Variants in SNTG2 observed in about 807,000 individuals in gnomAD.
The protein encoded by SNTG2 is syntrophin gamma 2, also known as gamma-2-syntrophin.
SNTG2 carries 74 observed loss-of-function variants against 70.9 expected under a neutral mutation model. The observed-to-expected ratio is 1.04, with a 90% CI of 0.86 to 1.27. The LOEUF (loss-of-function observed/expected upper bound fraction) is 1.27. Ranked by LOEUF, SNTG2 falls within the 50% of genes most tolerant of loss-of-function variation. SNTG2 has a pLI of 0.00. For missense variants in SNTG2, 717 were observed against 690.7 expected (o/e 1.04, Z -0.43); for synonymous variants, 278 against 273.8 (o/e 1.02, Z -0.15).
intron 7 of SNTG2, among the ~76,000 whole-genome samples, chr2:1,165,904 A>G (rs976504344): frequency 1.3e-5 from 2 of 152,214 alleles, no homozygotes; most frequent in African/African-American, 4.8e-5. Context: ...TCGTTCCTTC[A>G]TGCAAACTCA....
At chr2:1,305,621 A>G (rs1680637912) in intron 14 of SNTG2, among the ~76,000 whole-genome samples, 2 of 152,246 alleles carry the variant, frequency 1.3e-5, no homozygotes, top group Admixed American at 1.3e-4. Context: ...TATGTACAGC[A>G]GTAATGAGGA....
At chr2:971,086 A>G (rs1035683466) in intron 1 of SNTG2, among the ~76,000 whole-genome samples, 6 of 152,324 alleles carry the variant, frequency 3.9e-5, no homozygotes, top group Non-Finnish European at 7.3e-5. Context: ...ATGTTCATCA[A>G]GGAGATTGGC....
chr2:1,330,034 G>T (rs1290823782), intron 16 of SNTG2, among the ~76,000 whole-genome samples: 1 of 152,180 alleles, frequency 6.6e-6, no homozygotes. Flanking sequence ...AGTGTTGTGA[G>T]GGGCCTTTTG....
chr2:1,010,937 C>T (rs1194627007), intron 1 of SNTG2, among the ~76,000 whole-genome samples: 1 of 152,186 alleles, frequency 6.6e-6, no homozygotes, highest in East Asian at 1.9e-4. Context: ...AAAAGTGGAA[C>T]TGAGTTAACT....
At chr2:1,277,948 A>G (rs1448911651) in intron 14 of SNTG2, among the ~76,000 whole-genome samples, 1 of 152,238 alleles carries the variant, frequency 6.6e-6, no homozygotes, top group Admixed American at 6.5e-5. Flanking sequence ...AAGGCGGGGA[A>G]GATAACGCTT....
In SNTG2 at chr2:1,194,692, G is replaced by A. The variant is rs140389963; in HGVS notation, c.592-14411G>A. Among the ~76,000 whole-genome samples, 206 of 152,224 alleles carry A rather than the reference G, an allele frequency of 1.4e-3. 1 individual carries two copies. Among genetic ancestry groups the A allele is most frequent in the African/African-American group, 4.9e-3 (202 of 41,526 alleles). On this transcript the variant is annotated intron_variant, in intron 8 of 16. Coordinates refer to ENST00000308624, the MANE Select transcript of SNTG2 (RefSeq NM_018968.4). ...TTATAAAGGTGAAAATTATGAACAT[G>A]TGACCCAGAGGCTTATTTTGTCTGC...
At chr2:1,214,122 G>T (rs552702875) in intron 9 of SNTG2, among the ~76,000 whole-genome samples, 1 of 152,224 alleles carries the variant, frequency 6.6e-6, no homozygotes, top group South Asian at 2.1e-4. Context: ...CTGTGTTTAT[G>T]CTTGTGCCTT....
At chr2:1,132,279 A>G (rs1300096021) in intron 4 of SNTG2, among the ~76,000 whole-genome samples, 2 of 152,078 alleles carry the variant, frequency 1.3e-5, no homozygotes, top group Non-Finnish European at 2.9e-5. Context: ...ACACACATAC[A>G]TGCACAGGTT....
At chr2:1,244,653 A>G (rs553122160) in intron 11 of SNTG2, among the ~76,000 whole-genome samples, 11,640 of 128,554 alleles carry the variant, frequency 0.091, 517 homozygotes, top group Middle Eastern at 0.14. Flanking sequence ...CCAAGATTGC[A>G]CCACTGCACT....
At chr2:1,278,247 T>C (rs1049624654) in intron 14 of SNTG2, among the ~76,000 whole-genome samples, 6 of 152,194 alleles carry the variant, frequency 3.9e-5, no homozygotes, top group African/African-American at 1.4e-4. Flanking sequence ...ATGCAACATA[T>C]TGTTTATGGA....
rs1483556375 is a variant in SNTG2 at position 1,059,376 on chromosome 2, AAT to A, written c.73-24140_73-24139del. 7 of 106,068 alleles carry A rather than the reference AAT, an allele frequency of 6.6e-5. No individual in the cohort carries two copies. In the South Asian group the frequency reaches 2.0e-3, roughly 30 times the overall value. 6.6% of individuals were successfully genotyped at this position (106,068 alleles called of 1,614,324 possible). The stretch of plus-strand genomic sequence containing the variant: ...TGCAAAAGGGCAAAAAAAAAAAAAT[AAT>A]AATAATCAGTCAAGATATCTGTGTA... On this transcript the variant is annotated intron_variant, in intron 1 of 16. Coordinates refer to ENST00000308624, the MANE Select transcript of SNTG2 (RefSeq NM_018968.4).
At chr2:996,673 G>GTTTCTTTTTTTTTTTTTTTTTT (rs1661690666) in intron 1 of SNTG2, among the ~76,000 whole-genome samples, 1 of 35,114 alleles carries the variant, frequency 2.8e-5, no homozygotes, top group African/African-American at 1.3e-4. Context: ...GAGTTACCCA[G>GTTTCTTTTTTTTTTTTTTTTTT]TTTTTTTTTT....
chr2:1,060,196 A>G (rs993082181), intron 1 of SNTG2, among the ~76,000 whole-genome samples: 1 of 152,244 alleles, frequency 6.6e-6, no homozygotes, highest in African/African-American at 2.4e-5. Context: ...ACACTAAAAT[A>G]AAACATTTAA....
intron 2 of SNTG2, among the ~76,000 whole-genome samples, chr2:1,092,185 AC>A (rs1665071312): frequency 6.6e-6 from 1 of 152,162 alleles, no homozygotes; most frequent in South Asian, 2.1e-4. Flanking sequence ...GAAATAGAAT[AC>A]TTCAGAATTG....
At chr2:997,711 C>A (rs942745737) in intron 1 of SNTG2, among the ~76,000 whole-genome samples, 3 of 152,208 alleles carry the variant, frequency 2.0e-5, no homozygotes, top group African/African-American at 4.8e-5. Context: ...ATAGACCCCC[C>A]TCTGGGGCTG....
At chr2:984,482 C>T (rs1372004334) in intron 1 of SNTG2, among the ~76,000 whole-genome samples, 6 of 152,172 alleles carry the variant, frequency 3.9e-5, no homozygotes, top group East Asian at 1.9e-4. Flanking sequence ...AGAAGATACT[C>T]GGTGCTTCCT....
At position 1,000,173 on chromosome 2, in the gene SNTG2, G is replaced by GA. The variant is rs747026574; in HGVS notation, c.72+49111dup. 4.6e-5 allele frequency among the ~76,000 whole-genome samples: 7 copies of GA among 151,702 alleles called. No individual in the cohort carries two copies. The East Asian group carries it at 9.7e-4, about 21-fold the overall frequency. The stretch of plus-strand genomic sequence containing the variant: ...GCTTTATAGCATTAAATTTCTGCAT[G>GA]AAAAAATAGAAATATTACAAATTAA... On this transcript the variant is annotated intron_variant, in intron 1 of 16. Transcript: ENST00000308624.
chr2:1,142,509 T>C (rs1558449808), intron 6 of SNTG2, among the ~76,000 whole-genome samples: 1 of 148,606 alleles, frequency 6.7e-6, no homozygotes, highest in African/African-American at 2.5e-5. Flanking sequence ...TCAATTTTTT[T>C]GGCAAAGAAA....
At position 1,255,863 on chromosome 2, in the gene SNTG2, A is replaced by AATATATATAAAT. The variant is rs1242525156; in HGVS notation, c.1006-3487_1006-3476dup. ...ATATAAATATATATAAATATATATA[A>AATATATATAAAT]ATATATATAAATATATATATAAATA... is the stretch of plus-strand genomic sequence containing the variant. On this transcript the variant is annotated intron_variant, in intron 12 of 16. Coordinates refer to ENST00000308624, the MANE Select transcript of SNTG2 (RefSeq NM_018968.4). Among the ~76,000 whole-genome samples the AATATATATAAAT allele has an allele frequency of 1.2e-3, 13 of 10,724 alleles. 1 individual carries two copies. Among genetic ancestry groups the AATATATATAAAT allele is most frequent in the East Asian group, 4.0e-3 (1 of 250 alleles). 7.0% of individuals were successfully genotyped at this position (10,724 alleles called of 152,430 possible). A position where few individuals can be genotyped will look rare whatever the true frequency, so the allele number is the denominator to read the frequency against.
Sources: allele counts gnomAD v4.1 joint callset (sites outside exome capture counted in the v4.1 genomes callset), GRCh38; gene constraint gnomAD v4.1.1; transcripts MANE v1.5; gene names NCBI Gene and HGNC (gene_info 2026-07-23, HGNC 2026-07-21).